The following RPL4 variants were observed in gnomAD, a reference collection of about 807,000 sequenced individuals.
RPL4 encodes the protein ribosomal protein L4.
A neutral mutation model predicts 47.7 loss-of-function variants in RPL4; 3 were observed. The observed-to-expected ratio is 0.06, with a 90% confidence interval of 0.03 to 0.16. The LOEUF (loss-of-function observed/expected upper bound fraction) is 0.16, where lower values mean the gene tolerates loss of function less well. RPL4 is among the 10% of genes least tolerant of loss of function. The probability of loss-of-function intolerance (pLI) is 1.00; values close to 1 mark genes in which losing one functional copy is unlikely to be tolerated. For synonymous variants in RPL4, 208 were observed against 182.1 expected (o/e 1.14, Z -1.15); for missense variants, 413 against 551.3 (o/e 0.75, Z 2.51).
In RPL4 at chr15:66,500,355, A is replaced by G. The variant is rs758563596; in HGVS notation, c.855T>C (p.Ile285=). 3.8e-5 allele frequency: 62 copies of G among 1,613,996 alleles called. No homozygotes were observed. The highest frequency in any genetic ancestry group is 4.7e-5 in the Non-Finnish European group (56 of 1,179,990). ...TCAAGATTCTGCTAAGATCTGTATTAATCATCTTGTGCATGGGAAGACTGA... is the reference window on the plus strand; with the variant it reads ...TCAAGATTCTGCTAAGATCTGTATTGATCATCTTGTGCATGGGAAGACTGA... The part of the protein sequence containing the change: ...SNYNLPMHKM[I]NTDLSRILKS... Residue 285 remains isoleucine, a synonymous_variant, in exon 8 of 10, where the codon ATT becomes ATC. Coordinates refer to ENST00000307961, the MANE Select transcript of RPL4 (RefSeq NM_000968.4).
At chr15:66,499,923 T>C in intron 9 of RPL4, 133 bp downstream of exon 9, 1 of 1,189,796 alleles carries the variant, frequency 8.4e-7, no homozygotes, top group Non-Finnish European at 1.2e-6. Flanking sequence ...CTTGGGAGGC[T>C]GAGACAGAAG....
At chr15:66,504,262 A>G (rs138881767) in intron 1 of RPL4, among the ~76,000 whole-genome samples, 11 of 152,296 alleles carry the variant, frequency 7.2e-5, no homozygotes, top group African/African-American at 9.6e-5. Flanking sequence ...GTCCAACGCA[A>G]CTACCATCCC....
chr15:66,502,818 G>T, intron 3 of RPL4, 68 bp from the exon 4 acceptor site: 1 of 1,611,144 alleles, frequency 6.2e-7, no homozygotes, highest in Non-Finnish European at 8.5e-7. Context: ...TTCTTGCTCA[G>T]TAAGAATTTT....
At chr15:66,502,996 C>G in intron 3 of RPL4, 62 bp downstream of exon 3, 1 of 1,498,420 alleles carries the variant, frequency 6.7e-7, no homozygotes, top group Non-Finnish European at 9.3e-7. Context: ...ATCAATAAAC[C>G]AGACCCAGGC....
At chr15:66,504,359 G>A (rs1893703048) in intron 1 of RPL4, among the ~76,000 whole-genome samples, 1 of 152,158 alleles carries the variant, frequency 6.6e-6, no homozygotes, top group Admixed American at 6.5e-5. Flanking sequence ...TGGAAAAGCA[G>A]TACACATATA....
At chr15:66,503,580 A>AG in intron 1 of RPL4, 51 bp from the exon 2 acceptor site, 1 of 1,525,924 alleles carries the variant, frequency 6.6e-7, no homozygotes, top group Non-Finnish European at 8.9e-7. Context: ...GTTTGAAGCA[A>AG]ACTCTTCTCA....
Position 66,503,346 on chromosome 15 carries a change from A to G in RPL4, c.175+12T>C. 1 of 1,611,414 alleles carries G rather than the reference A, an allele frequency of 6.2e-7. No individual in the cohort carries two copies. Among genetic ancestry groups the G allele is most frequent in the Admixed American group, 1.7e-5 (1 of 59,948 alleles). On this transcript the variant is annotated intron_variant, in intron 2 of 9. Coordinates refer to ENST00000307961, the MANE Select transcript of RPL4 (RefSeq NM_000968.4). ...AGTCCCTAAAATATCTGCAGAAGAT[A>G]TAAATCCATACCTGCTAATTCACTG...
At chr15:66,501,323 T>C (rs1359773766) in intron 6 of RPL4, 52 bp downstream of exon 6, 1 of 1,612,430 alleles carries the variant, frequency 6.2e-7, no homozygotes, top group Non-Finnish European at 8.5e-7. Flanking sequence ...TAACAAAAGC[T>C]GAGTAGACTT....
At chr15:66,502,548 T>A in intron 4 of RPL4, 64 bp downstream of exon 4, 1 of 1,546,338 alleles carries the variant, frequency 6.5e-7, no homozygotes, top group East Asian at 2.3e-5. Flanking sequence ...AAAATCACCC[T>A]AATGATCAAA....
Position 66,498,922 on chromosome 15 carries a change from C to T in RPL4, c.*485G>A, listed in dbSNP as rs773691734. On this transcript the variant is annotated 3_prime_UTR_variant, in exon 10 of 10. Coordinates refer to ENST00000307961, the MANE Select transcript of RPL4 (RefSeq NM_000968.4). The stretch of plus-strand genomic sequence containing the variant: ...CTTTTTCAAACCATGGGTGAAAATA[C>T]TCAACTCTATTGTTATAGCTGGTTA... 4.3e-4 allele frequency: 67 copies of T among 155,964 alleles called. No homozygotes were observed. Among genetic ancestry groups the T allele is most frequent in the Middle Eastern group, 3.4e-3 (1 of 296 alleles). The allele number at this position is 155,964 out of a possible 1,614,324, so 9.7% of individuals were successfully genotyped here.
chr15:66,499,786 G>C (rs1039372067), intron 9 of RPL4, 134 bp from the exon 10 acceptor site: 2 of 1,237,454 alleles, frequency 1.6e-6, no homozygotes, highest in African/African-American at 3.0e-5. Flanking sequence ...CACTTTGGGA[G>C]GCCGAGGCAG....
intron 9 of RPL4, 166 bp from the exon 10 acceptor site, chr15:66,499,818 G>T: frequency 1.0e-6 from 1 of 992,874 alleles, no homozygotes; most frequent in Non-Finnish European, 1.5e-6. Context: ...GAGGTCAGGA[G>T]TTTGAGACCA....
chr15:66,499,106 C>T lies in RPL4; in HGVS notation c.*301G>A. On this transcript the variant is annotated 3_prime_UTR_variant, in exon 10 of 10. Transcript: ENST00000307961. ...ACTTGAACAGCCTCTGCGTTTCTGA[C>T]CAAGTCCTGTTACACCTATTTTTCA... is the stretch of plus-strand genomic sequence containing the variant. The T allele has an allele frequency of 3.7e-6, 1 of 273,598 alleles. No homozygotes were observed. Among genetic ancestry groups the T allele is most frequent in the Non-Finnish European group, 6.9e-6 (1 of 144,482 alleles). 16.9% of individuals were successfully genotyped at this position (273,598 alleles called of 1,614,324 possible).
chr15:66,502,561 G>A (rs531366333), intron 4 of RPL4, 51 bp downstream of exon 4: 2 of 1,576,736 alleles, frequency 1.3e-6, no homozygotes, highest in African/African-American at 1.4e-5. Flanking sequence ...TGATCAAATA[G>A]TAGGTGTCTT....
intron 1 of RPL4, 65 bp downstream of exon 1, chr15:66,504,723 C>T (rs1893720584): frequency 1.3e-6 from 2 of 1,599,440 alleles, no homozygotes; most frequent in Non-Finnish European, 1.7e-6. Context: ...ATGCTCCGAA[C>T]CCCAAATCCT....
chr15:66,500,471 A>C (rs1595895186), intron 7 of RPL4, 95 bp from the exon 8 acceptor site: 1 of 1,033,946 alleles, frequency 9.7e-7, no homozygotes, highest in East Asian at 2.4e-5. Flanking sequence ...TATGCTCTCC[A>C]AAATATCTAC....
In RPL4 at chr15:66,499,064, A is replaced by T; in HGVS notation, c.*343T>A. ...CTTTACAGAATTTAACCTATTTTCC[A>T]TCTGGTGGGGAGCTAAACTTGAACA... On this transcript the variant is annotated 3_prime_UTR_variant, in exon 10 of 10. Coordinates refer to ENST00000307961, the MANE Select transcript of RPL4 (RefSeq NM_000968.4). The T allele has an allele frequency of 4.6e-6, 1 of 215,498 alleles. No homozygotes were observed. Among genetic ancestry groups the T allele is most frequent in the Non-Finnish European group, 9.3e-6 (1 of 107,386 alleles). The allele number at this position is 215,498 out of a possible 1,614,324, so 13.3% of individuals were successfully genotyped here.
rs760502766 is a variant in RPL4 at position 66,500,073 on chromosome 15, G to C, written c.1021C>G (p.Leu341Val). 6.2e-7 allele frequency: 1 copy of C among 1,611,794 alleles called. No homozygotes were observed. Among genetic ancestry groups the C allele is most frequent in the Non-Finnish European group, 8.5e-7 (1 of 1,179,828 alleles). ...YAKTMRRNTILRQARNHKLRV... is the reference protein window; with the variant it reads ...YAKTMRRNTIVRQARNHKLRV... The stretch of plus-strand genomic sequence containing the variant: ...CCACTCACATTCCTGGCCTGGCGAA[G>C]AATGGTGTTCCGGCGCATGGTCTTT... Residue 341 changes from leucine to valine, a missense_variant, in exon 9 of 10, where the codon CTT (leucine) becomes GTT (valine). This residue lies in a region of RPL4 where 134 missense variants were observed against 122.7 expected (regional missense o/e 1.09). Transcript: ENST00000307961.
rs1388143654 is a variant in RPL4 at position 66,501,985 on chromosome 15, T to C, written c.422-73A>G. On this transcript the variant is annotated intron_variant, in intron 4 of 9. Coordinates refer to ENST00000307961, the MANE Select transcript of RPL4 (RefSeq NM_000968.4). ...GAAAAAAAAAAAATCAAACATTTTATACAACCAATAAAAGCAAAATGGTAT... is the reference window on the plus strand; with the variant it reads ...GAAAAAAAAAAAATCAAACATTTTACACAACCAATAAAAGCAAAATGGTAT... 7.6e-6 allele frequency: 12 copies of C among 1,571,094 alleles called. No individual in the cohort carries two copies. In the East Asian group the frequency reaches 1.6e-4, roughly 21 times the overall value.
Sources: gnomAD v4.1 joint callset for allele counts (sites outside exome capture counted in the v4.1 genomes callset) on GRCh38, gnomAD v4.1.1 for gene constraint, gnomAD v4.1.1 regional missense constraint, MANE v1.5 for transcripts, NCBI Gene and HGNC (gene_info 2026-07-23, HGNC 2026-07-21) for gene names.